Variants in SLC39A11 observed in about 807,000 individuals in gnomAD.
SLC39A11 encodes the protein zinc transporter ZIP11.
Under a neutral mutation model 36.1 loss-of-function variants are expected in SLC39A11, and 33 were observed. The ratio of observed to expected loss-of-function variants is 0.91; its 90% CI spans 0.69 to 1.22. The LOEUF (loss-of-function observed/expected upper bound fraction) is 1.22, where lower values mean the gene tolerates loss of function less well. Ranked by LOEUF, SLC39A11 falls within the 50% of genes most tolerant of loss-of-function variation. The pLI, the probability that SLC39A11 is intolerant of heterozygous loss-of-function variation, is 0.00. For missense variants in SLC39A11, 432 were observed against 430.3 expected (o/e 1.00, Z -0.03); for synonymous variants, 166 against 170.3 (o/e 0.97, Z 0.20).
At chr17:72,772,040 A>G (rs537786787) in intron 6 of SLC39A11, among the ~76,000 whole-genome samples, 2 of 152,048 alleles carry the variant, frequency 1.3e-5, no homozygotes, top group Admixed American at 6.5e-5. Context: ...GAAACAAGAA[A>G]TCCAGACACT....
chr17:72,836,294 G>T (rs919618049), intron 6 of SLC39A11, among the ~76,000 whole-genome samples: 1 of 152,026 alleles, frequency 6.6e-6, no homozygotes. Flanking sequence ...CACAACACAC[G>T]GAGACAGAGT....
Position 72,949,144 on chromosome 17 carries a change from C to CTTTTTTTTTTTTTTTTTTTT in SLC39A11, c.307-1289_307-1270dup, listed in dbSNP as rs56036208. 1.3e-3 allele frequency among the ~76,000 whole-genome samples: 47 copies of CTTTTTTTTTTTTTTTTTTTT among 36,508 alleles called. 16 individuals are homozygous for CTTTTTTTTTTTTTTTTTTTT. Among genetic ancestry groups the CTTTTTTTTTTTTTTTTTTTT allele is most frequent in the East Asian group, 3.5e-3 (3 of 866 alleles). The allele number at this position is 36,508 out of a possible 152,430, so 24.0% of individuals were successfully genotyped here. Reference sequence around the variant, plus strand: ...AAATAAAATACCATACACTGGGCAGCTTTTTTTTTTTTTTTTTTTTTTTTT... The same window carrying CTTTTTTTTTTTTTTTTTTTT: ...AAATAAAATACCATACACTGGGCAGCTTTTTTTTTTTTTTTTTTTTTTTTTTTTTTTTTTTTTTTTTTTTT... On this transcript the variant is annotated intron_variant, in intron 4 of 9. Transcript: ENST00000255559.
intron 5 of SLC39A11, among the ~76,000 whole-genome samples, chr17:72,910,223 G>A (rs138077685): frequency 4.5e-4 from 69 of 152,238 alleles, no homozygotes; most frequent in African/African-American, 1.6e-3. Flanking sequence ...CTATCTGGGT[G>A]GTGGGGTCAT....
At chr17:72,700,290 G>A (rs919396966) in intron 7 of SLC39A11, among the ~76,000 whole-genome samples, 21 of 152,198 alleles carry the variant, frequency 1.4e-4, no homozygotes, top group African/African-American at 4.6e-4. Context: ...AGTTGGGGTG[G>A]AGCGGTCATT....
At chr17:72,695,869 C>G (rs1414789274) in intron 7 of SLC39A11, among the ~76,000 whole-genome samples, 1 of 152,162 alleles carries the variant, frequency 6.6e-6, no homozygotes, top group Non-Finnish European at 1.5e-5. Flanking sequence ...GTCCTCCTTC[C>G]AGAGCCTGCA....
At chr17:72,774,300 G>A (rs1318790202) in intron 6 of SLC39A11, among the ~76,000 whole-genome samples, 1 of 152,200 alleles carries the variant, frequency 6.6e-6, no homozygotes, top group Non-Finnish European at 1.5e-5. Flanking sequence ...TCTATCTTCT[G>A]GCTGCACTGA....
At chr17:72,754,387 C>T (rs1479632698) in intron 6 of SLC39A11, among the ~76,000 whole-genome samples, 2 of 151,940 alleles carry the variant, frequency 1.3e-5, no homozygotes, top group Non-Finnish European at 2.9e-5. Flanking sequence ...CACAAATCAC[C>T]CCTAAAGAAC....
At chr17:73,047,005 T>C (rs907011712) in intron 3 of SLC39A11, among the ~76,000 whole-genome samples, 1 of 149,936 alleles carries the variant, frequency 6.7e-6, no homozygotes, top group African/African-American at 2.5e-5. Context: ...AAGAACCACC[T>C]TCTTCTTTTT....
chr17:72,873,833 T>C (rs1459367936), intron 5 of SLC39A11, among the ~76,000 whole-genome samples: 1 of 152,152 alleles, frequency 6.6e-6, no homozygotes, highest in Non-Finnish European at 1.5e-5. Flanking sequence ...ATAATCCCCA[T>C]GTGTCAAGGG....
At chr17:72,984,699 A>C (rs2088585273) in intron 4 of SLC39A11, among the ~76,000 whole-genome samples, 1 of 152,206 alleles carries the variant, frequency 6.6e-6, no homozygotes, top group South Asian at 2.1e-4. Flanking sequence ...GCAGTGAAGC[A>C]ACGCCTTTTA....
chr17:72,916,864 G>A (rs914003980), intron 5 of SLC39A11, among the ~76,000 whole-genome samples: 2 of 152,156 alleles, frequency 1.3e-5, no homozygotes, highest in African/African-American at 2.4e-5. Flanking sequence ...AATCCCTCTA[G>A]CAGACTCAAG....
At chr17:72,831,602 T>G in intron 6 of SLC39A11, among the ~76,000 whole-genome samples, 1 of 152,256 alleles carries the variant, frequency 6.6e-6, no homozygotes, top group African/African-American at 2.4e-5. Context: ...TTACTTACCA[T>G]TGATTCTGGA....
chr17:72,778,281 C>T (rs970859504), intron 6 of SLC39A11, among the ~76,000 whole-genome samples: 47 of 152,164 alleles, frequency 3.1e-4, no homozygotes, highest in African/African-American at 1.0e-3. Context: ...GGCTCAGCTC[C>T]GCAGAGGCAG....
intron 5 of SLC39A11, among the ~76,000 whole-genome samples, chr17:72,920,841 T>C (rs2083625077): frequency 1.6e-5 from 2 of 128,246 alleles, no homozygotes; most frequent in South Asian, 3.0e-4. Flanking sequence ...CATACAAACA[T>C]GCACACTTCC....
chr17:72,811,159 T>G (rs891230585), intron 6 of SLC39A11, among the ~76,000 whole-genome samples: 1 of 152,118 alleles, frequency 6.6e-6, no homozygotes, highest in Non-Finnish European at 1.5e-5. Flanking sequence ...TTCTTGAGGC[T>G]GGGAAGTCCA....
intron 7 of SLC39A11, among the ~76,000 whole-genome samples, chr17:72,677,256 G>C (rs1023843229): frequency 6.6e-6 from 1 of 152,180 alleles, no homozygotes; most frequent in Non-Finnish European, 1.5e-5. Flanking sequence ...GGTTGGAAGA[G>C]GCTAAGTACA....
intron 5 of SLC39A11, among the ~76,000 whole-genome samples, chr17:72,915,747 G>A (rs1241840136): frequency 6.6e-6 from 1 of 152,198 alleles, no homozygotes; most frequent in Non-Finnish European, 1.5e-5. Flanking sequence ...ATGGTCCCAC[G>A]CCTCGTCAGC....
At chr17:72,923,399 G>C (rs1049732684) in intron 5 of SLC39A11, among the ~76,000 whole-genome samples, 3 of 152,206 alleles carry the variant, frequency 2.0e-5, no homozygotes, top group Non-Finnish European at 4.4e-5. Flanking sequence ...ACCATGGCCT[G>C]CAGCCTGCAT....
At chr17:73,039,003 T>C (rs1308675034) in intron 3 of SLC39A11, among the ~76,000 whole-genome samples, 1 of 152,124 alleles carries the variant, frequency 6.6e-6, no homozygotes, top group African/African-American at 2.4e-5. Flanking sequence ...CCCAAGTCCA[T>C]ATTTATTATG....
Sources: gnomAD v4.1 joint callset for allele counts (sites outside exome capture counted in the v4.1 genomes callset) on GRCh38, gnomAD v4.1.1 for gene constraint, MANE v1.5 for transcripts, NCBI Gene and HGNC (gene_info 2026-07-23, HGNC 2026-07-21) for gene names.